Variants in PRKN observed in about 807,000 individuals in gnomAD.
PRKN encodes the protein parkin RBR E3 ubiquitin protein ligase.
In PRKN, 56 loss-of-function variants were observed where a neutral mutation model predicts 59.5. The ratio of observed to expected loss-of-function variants is 0.94; its 90% CI spans 0.76 to 1.18. The LOEUF (loss-of-function observed/expected upper bound fraction) is 1.18. PRKN is among the 50% of genes most tolerant of loss of function. The pLI is 0.00. For synonymous variants in PRKN, 250 were observed against 222.1 expected (o/e 1.13, Z -1.12); for missense variants, 657 against 596.4 (o/e 1.10, Z -1.06).
At chr6:161,367,261 G>T (rs908662666) in intron 10 of PRKN, among the ~76,000 whole-genome samples, 1 of 151,976 alleles carries the variant, frequency 6.6e-6, no homozygotes, top group African/African-American at 2.4e-5. Context: ...GATTACAGGC[G>T]TGAGCCACCG....
intron 1 of PRKN, among the ~76,000 whole-genome samples, chr6:162,620,860 T>A (rs1782634941): frequency 6.6e-6 from 1 of 152,202 alleles, no homozygotes; most frequent in African/African-American, 2.4e-5. Flanking sequence ...AGATATATAT[T>A]TTTTACCAAT....
In PRKN at chr6:161,463,242, C is replaced by A. The variant is rs1381870353; in HGVS notation, c.1084-76365G>T. ...GAAGGTGACTGCCAGGTCAGCTTCACTGTCAGCTGGTGCCTCTCCTGACCC... is the reference window on the plus strand; with the variant it reads ...GAAGGTGACTGCCAGGTCAGCTTCAATGTCAGCTGGTGCCTCTCCTGACCC... On this transcript the variant is annotated intron_variant, in intron 9 of 11. Transcript: ENST00000366898. This position sits in a 1 kb window ranked among gnomAD's most constrained non-coding sequence, Gnocchi z 4.8. Among the ~76,000 whole-genome samples the A allele has an allele frequency of 1.3e-5, 2 of 152,174 alleles. No homozygotes were observed. Among genetic ancestry groups the A allele is most frequent in the East Asian group, 3.9e-4 (2 of 5,190 alleles).
At chr6:162,332,138 A>T (rs970394109) in intron 2 of PRKN, among the ~76,000 whole-genome samples, 9 of 152,170 alleles carry the variant, frequency 5.9e-5, no homozygotes, top group Non-Finnish European at 1.2e-4. Flanking sequence ...TTTGGCTAAC[A>T]TGTTGCATTA....
At chr6:162,379,215 A>G (rs58099392) in intron 2 of PRKN, among the ~76,000 whole-genome samples, 4 of 151,918 alleles carry the variant, frequency 2.6e-5, no homozygotes, top group Admixed American at 1.3e-4. Context: ...TGCCATTGCC[A>G]GGGAAGCTGG....
At chr6:161,866,853 CT>C (rs1263392414) in intron 6 of PRKN, among the ~76,000 whole-genome samples, 9 of 152,306 alleles carry the variant, frequency 5.9e-5, no homozygotes, top group African/African-American at 1.9e-4. Flanking sequence ...TTTAAAGTAG[CT>C]CAGGCTCTGG....
chr6:162,272,119 G>A (rs1440793520), intron 2 of PRKN, among the ~76,000 whole-genome samples: 1 of 152,072 alleles, frequency 6.6e-6, no homozygotes, highest in Admixed American at 6.6e-5. Context: ...GGGGCGGGAG[G>A]GGGGACCGCT....
At chr6:161,762,969 T>A (rs897341160) in intron 7 of PRKN, among the ~76,000 whole-genome samples, 1 of 152,140 alleles carries the variant, frequency 6.6e-6, no homozygotes, top group Non-Finnish European at 1.5e-5. Context: ...GAGAGACTAC[T>A]GAGGACAAAA....
chr6:162,450,066 C>T (rs1053595208), intron 1 of PRKN, among the ~76,000 whole-genome samples: 1 of 152,122 alleles, frequency 6.6e-6, no homozygotes, highest in Non-Finnish European at 1.5e-5. Flanking sequence ...GACTGGGACA[C>T]CTGCCTCCGA....
At chr6:161,759,084 G>A (rs1377074622) in intron 7 of PRKN, among the ~76,000 whole-genome samples, 2 of 152,064 alleles carry the variant, frequency 1.3e-5, no homozygotes, top group Non-Finnish European at 2.9e-5. Flanking sequence ...GGCTGAGGCA[G>A]GAGAATAGCT....
rs3032927 is a variant in PRKN, at chr6:161,582,413, C to CTATTATTATTATTATTAT, written c.872-13015_872-12998dup. 4.1e-5 allele frequency among the ~76,000 whole-genome samples: 6 copies of CTATTATTATTATTATTAT among 146,204 alleles called. No individual in the cohort carries two copies. Among genetic ancestry groups the CTATTATTATTATTATTAT allele is most frequent in the African/African-American group, 1.5e-4 (6 of 39,552 alleles). On this transcript the variant is annotated intron_variant, in intron 7 of 11. Coordinates refer to ENST00000366898, the MANE Select transcript of PRKN (RefSeq NM_004562.3). The surrounding 1 kb of genome is among the most constrained non-coding windows in gnomAD (Gnocchi z 4.4). ...AACTAGGAAAGACTGCATCTGCAGA[C>CTATTATTATTATTATTAT]TATTATTATTATTATTATTATTATT...
At chr6:162,447,435 T>G (rs1790372343) in intron 1 of PRKN, among the ~76,000 whole-genome samples, 1 of 152,160 alleles carries the variant, frequency 6.6e-6, no homozygotes, top group African/African-American at 2.4e-5. Context: ...TGATGACGTA[T>G]AATATAGTAT....
chr6:162,706,132 TAAA>T (rs766578797), intron 1 of PRKN, among the ~76,000 whole-genome samples: 21 of 106,498 alleles, frequency 2.0e-4, no homozygotes, highest in Admixed American at 2.1e-4. Flanking sequence ...ACCTGAAGGT[TAAA>T]AAAAAAAAAA....
intron 10 of PRKN, among the ~76,000 whole-genome samples, chr6:161,380,974 C>T (rs1785955827): frequency 6.6e-6 from 1 of 152,156 alleles, no homozygotes; most frequent in Admixed American, 6.5e-5. Flanking sequence ...ACCACCCCCA[C>T]CCGCCCCAGC....
intron 2 of PRKN, among the ~76,000 whole-genome samples, chr6:162,422,885 G>T (rs557848868): frequency 6.9e-6 from 1 of 145,446 alleles, no homozygotes; most frequent in South Asian, 2.2e-4. Context: ...GGCAGAGGTT[G>T]CAGTGAGCCG....
chr6:162,310,610 G>A lies in PRKN; in HGVS notation c.172-47845C>T, dbSNP rs936799972. Among the ~76,000 whole-genome samples the A allele has an allele frequency of 2.9e-4, 44 of 152,018 alleles. 1 individual carries two copies. Among genetic ancestry groups the A allele is most frequent in the African/African-American group, 1.0e-3 (42 of 41,462 alleles). Reference sequence around the variant, plus strand: ...ATGGTAATTGTGGGGTGGGGGGAGCGGGGAGGGATAGCATTAGGAGATATA... The same window carrying A: ...ATGGTAATTGTGGGGTGGGGGGAGCAGGGAGGGATAGCATTAGGAGATATA... On this transcript the variant is annotated intron_variant, in intron 2 of 11. Transcript: ENST00000366898.
chr6:161,358,900 T>C (rs1784870367), intron 11 of PRKN, among the ~76,000 whole-genome samples: 2 of 142,282 alleles, frequency 1.4e-5, no homozygotes, highest in Non-Finnish European at 3.0e-5. Flanking sequence ...GTTCACACCA[T>C]TCTCCTGCCT....
chr6:162,451,648 TAAATA>T (rs1164719157), intron 1 of PRKN, among the ~76,000 whole-genome samples: 1 of 152,080 alleles, frequency 6.6e-6, no homozygotes, highest in Admixed American at 6.5e-5. Flanking sequence ...AAAAATCTGT[TAAATA>T]AATTTAATAC....
rs1474701514 is a variant in PRKN, at chr6:161,490,381, C to CCT, written c.1083+58472_1083+58473insAG. On this transcript the variant is annotated intron_variant, in intron 9 of 11. Transcript: ENST00000366898. ...TCTCCCTCTCTCTCTCTCTTTCTTT[C>CCT]TTTCCTTTTTTTTTTTTTTTTGAGA... Among the ~76,000 whole-genome samples, 442 of 102,136 alleles carry CCT rather than the reference C, an allele frequency of 4.3e-3. 2 individuals carry two copies. Among genetic ancestry groups the CCT allele is most frequent in the Non-Finnish European group, 7.4e-3 (371 of 50,120 alleles). The allele number at this position is 102,136 out of a possible 152,430, so 67.0% of individuals were successfully genotyped here.
intron 7 of PRKN, among the ~76,000 whole-genome samples, chr6:161,654,746 A>C (rs1157810881): frequency 6.6e-6 from 1 of 152,182 alleles, no homozygotes; most frequent in Non-Finnish European, 1.5e-5. Context: ...TGGTGGCGAA[A>C]GGTCACCTGT....
Sources: gnomAD v4.1 joint callset for allele counts (sites outside exome capture counted in the v4.1 genomes callset) on GRCh38, gnomAD v4.1.1 for gene constraint, Gnocchi (gnomAD v3.1) non-coding constraint, MANE v1.5 for transcripts, NCBI Gene and HGNC (gene_info 2026-07-23, HGNC 2026-07-21) for gene names.